Variants in SMAD9 observed in about 807,000 individuals in gnomAD.
SMAD9 encodes SMAD family member 9, also known as MAD homolog 9.
SMAD9 carries 36 observed loss-of-function variants against 46.1 expected under a neutral mutation model. That is an observed-to-expected ratio of 0.78 (90% confidence interval 0.60 to 1.03). The LOEUF (loss-of-function observed/expected upper bound fraction) is 1.03, where lower values mean the gene tolerates loss of function less well. SMAD9 is among the 50% of genes least tolerant of loss of function. The probability of loss-of-function intolerance (pLI) is 0.00; values close to 1 mark genes in which losing one functional copy is unlikely to be tolerated. For synonymous variants in SMAD9, 245 were observed against 237.1 expected (o/e 1.03, Z -0.31); for missense variants, 572 against 599.8 (o/e 0.95, Z 0.48).
At chr13:36,871,287 G>A (rs900914575) in intron 3 of SMAD9, among the ~76,000 whole-genome samples, 34 of 152,330 alleles carry the variant, frequency 2.2e-4, no homozygotes, top group Middle Eastern at 3.4e-3. Flanking sequence ...GGAGGCCGAG[G>A]TGGGCAGATC....
chr13:36,872,581 ATTGTGACTGTTC>A (rs2058305151), intron 3 of SMAD9, 65 bp downstream of exon 3: 3 of 1,506,972 alleles, frequency 2.0e-6, no homozygotes, highest in Middle Eastern at 1.7e-4. Flanking sequence ...AATGACTGTC[ATTGTGACTGTTC>A]ATCATAAATC....
intron 1 of SMAD9, among the ~76,000 whole-genome samples, chr13:36,908,854 A>C (rs1215994023): frequency 6.6e-6 from 1 of 152,212 alleles, no homozygotes; most frequent in Non-Finnish European, 1.5e-5. Flanking sequence ...ATTCACACTG[A>C]ATTTCACATG....
intron 1 of SMAD9, among the ~76,000 whole-genome samples, chr13:36,883,965 A>C (rs2058424852): frequency 6.6e-6 from 1 of 152,120 alleles, no homozygotes; most frequent in African/African-American, 2.4e-5. Context: ...TCTCCAGGGA[A>C]GGGTGTTTCT....
At chr13:36,863,490 A>G (rs1267804899) in intron 5 of SMAD9, among the ~76,000 whole-genome samples, 1 of 152,170 alleles carries the variant, frequency 6.6e-6, no homozygotes, top group Non-Finnish European at 1.5e-5. Context: ...GCTCTCAGTC[A>G]ACAACACAGG....
chr13:36,886,508 A>C (rs2058446103), intron 1 of SMAD9, among the ~76,000 whole-genome samples: 1 of 152,262 alleles, frequency 6.6e-6, no homozygotes, highest in African/African-American at 2.4e-5. Context: ...AGGAAAGGAC[A>C]AATCCGAGCT....
At chr13:36,896,988 C>CA (rs1395827859) in intron 1 of SMAD9, among the ~76,000 whole-genome samples, 2 of 150,844 alleles carry the variant, frequency 1.3e-5, no homozygotes, top group Non-Finnish European at 3.0e-5. Context: ...AAAAAAAAAA[C>CA]AGATTTAGAA....
chr13:36,851,559 T>C, intron 6 of SMAD9: 1 of 160,904 alleles, frequency 6.2e-6, no homozygotes, highest in Non-Finnish European at 1.3e-5. Context: ...CAGAGATCTG[T>C]GAGTAAACAT....
chr13:36,905,267 G>A (rs905895391), intron 1 of SMAD9, among the ~76,000 whole-genome samples: 2 of 152,060 alleles, frequency 1.3e-5, no homozygotes, highest in African/African-American at 4.8e-5. Flanking sequence ...AAATCGACTT[G>A]GTTGTTTTAC....
At chr13:36,865,786 T>C (rs780288048) in intron 4 of SMAD9, 28 bp from the exon 5 acceptor site, 25 of 1,558,046 alleles carry the variant, frequency 1.6e-5, no homozygotes, top group South Asian at 3.4e-5. Flanking sequence ...AGAGAACACA[T>C]GGCTACTGTC....
chr13:36,902,969 C>T (rs1224844359), intron 1 of SMAD9, among the ~76,000 whole-genome samples: 1 of 152,156 alleles, frequency 6.6e-6, no homozygotes, highest in Admixed American at 6.5e-5. Context: ...AAGTCATCCA[C>T]AGCTGAAATA....
chr13:36,870,878 CA>C (rs2058286475), intron 3 of SMAD9, among the ~76,000 whole-genome samples: 1 of 152,108 alleles, frequency 6.6e-6, no homozygotes, highest in South Asian at 2.1e-4. Context: ...TAGATCTGAT[CA>C]CAGAGACAGC....
At chr13:36,871,342 A>G (rs1012407222) in intron 3 of SMAD9, among the ~76,000 whole-genome samples, 3 of 152,120 alleles carry the variant, frequency 2.0e-5, no homozygotes, top group Admixed American at 6.5e-5. Flanking sequence ...ACATGGTGAA[A>G]CCCCGTCTCT....
chr13:36,865,828 A>T (rs1418436125), intron 4 of SMAD9, 70 bp from the exon 5 acceptor site: 1 of 1,241,864 alleles, frequency 8.1e-7, no homozygotes, highest in Non-Finnish European at 1.2e-6. Flanking sequence ...TGATTCCACC[A>T]GGAAACTTAG....
chr13:36,851,710 G>A, intron 6 of SMAD9: 1 of 970,514 alleles, frequency 1.0e-6, no homozygotes, highest in Non-Finnish European at 1.2e-6. Flanking sequence ...GGTAGCTACA[G>A]CTGCTCATCT....
chr13:36,893,689 A>G (rs1285209660), intron 1 of SMAD9, among the ~76,000 whole-genome samples: 1 of 151,812 alleles, frequency 6.6e-6, no homozygotes, highest in African/African-American at 2.4e-5. Context: ...GACATAGAGT[A>G]TGAAATCATT....
intron 5 of SMAD9, among the ~76,000 whole-genome samples, chr13:36,854,862 T>A (rs2058108274): frequency 6.6e-6 from 1 of 152,202 alleles, no homozygotes; most frequent in Non-Finnish European, 1.5e-5. Context: ...CTAATATAAA[T>A]CATATAAATA....
upstream of SMAD9, chr13:36,920,298 C>G (rs1242619515): frequency 1.3e-5 from 2 of 149,716 alleles, no homozygotes; most frequent in African/African-American, 2.4e-5. Flanking sequence ...GCCAGGGAGC[C>G]CTGCTTGCGG....
intron 5 of SMAD9, among the ~76,000 whole-genome samples, chr13:36,856,185 T>C (rs79533284): frequency 0.013 from 1,959 of 152,228 alleles, 20 homozygotes; most frequent in Admixed American, 0.02. Flanking sequence ...GGGAAAGACC[T>C]GCCTTGTGAG....
At chr13:36,898,083 C>A (rs1156365351) in intron 1 of SMAD9, among the ~76,000 whole-genome samples, 1 of 151,840 alleles carries the variant, frequency 6.6e-6, no homozygotes, top group Non-Finnish European at 1.5e-5. Context: ...TGGTCTCAAC[C>A]TCCTGACCTC....
Sources: gnomAD v4.1 joint callset for allele counts (sites outside exome capture counted in the v4.1 genomes callset) on GRCh38, gnomAD v4.1.1 for gene constraint, MANE v1.5 for transcripts, NCBI Gene and HGNC (gene_info 2026-07-23, HGNC 2026-07-21) for gene names.